Variants in LARGE1 observed in about 807,000 individuals in gnomAD.
The protein encoded by LARGE1 is xylosyl- and glucuronyltransferase LARGE1.
In LARGE1, 43 loss-of-function variants were observed where a neutral mutation model predicts 87.6. That is an observed-to-expected ratio of 0.49 (90% CI 0.38 to 0.63). The LOEUF (loss-of-function observed/expected upper bound fraction) is 0.63. LARGE1 is among the 30% of genes least tolerant of loss of function. LARGE1 has a pLI of 0.00. For synonymous variants in LARGE1, 434 were observed against 394.6 expected (o/e 1.10, Z -1.18); for missense variants, 802 against 1,000.2 (o/e 0.80, Z 2.67).
At chr22:33,613,315 TGGCACAAGCACATGAAAATACTG>T (rs2079493927) in intron 4 of LARGE1, among the ~76,000 whole-genome samples, 1 of 152,148 alleles carries the variant, frequency 6.6e-6, no homozygotes, top group African/African-American at 2.4e-5. Context: ...CACCAAACCA[TGGCACAAGCACATGAAAATACTG>T]CCCAGACCAC....
chr22:33,759,432 A>G (rs910030014), intron 2 of LARGE1, among the ~76,000 whole-genome samples: 16 of 152,294 alleles, frequency 1.1e-4, no homozygotes, highest in Admixed American at 6.5e-4. Context: ...CTCTGGGACC[A>G]TGGGCAGATC....
chr22:33,179,330 G>A (rs902016116), intron 11 of LARGE1, among the ~76,000 whole-genome samples: 1 of 152,146 alleles, frequency 6.6e-6, no homozygotes, highest in Non-Finnish European at 1.5e-5. Flanking sequence ...TGGAGCACTA[G>A]AAAAGCCCTT....
chr22:33,814,504 T>C (rs1024560823), intron 1 of LARGE1, among the ~76,000 whole-genome samples: 3 of 152,198 alleles, frequency 2.0e-5, no homozygotes, highest in African/African-American at 7.2e-5. Context: ...CAGTTGACTT[T>C]AAGTAAAAGA....
At position 33,217,509 on chromosome 22, in the gene LARGE1, A is replaced by G. The variant is rs1421648286; in HGVS notation, c.1731-50677T>C. ...CAGAAAGTCAGGTGCATGATAATAC[A>G]TTCATATGACACCATTATAGAAAAT... is the stretch of plus-strand genomic sequence containing the variant. On this transcript the variant is annotated intron_variant, in intron 11 of 11. Transcript: ENST00000608642. Among the ~76,000 whole-genome samples, 3 of 152,330 alleles carry G rather than the reference A, an allele frequency of 2.0e-5. No homozygotes were observed. The East Asian group carries it at 5.8e-4, about 29-fold the overall frequency.
intron 11 of LARGE1, among the ~76,000 whole-genome samples, chr22:33,265,039 T>A (rs1043609490): frequency 1.3e-5 from 2 of 151,888 alleles, no homozygotes; most frequent in African/African-American, 4.8e-5. Context: ...TAGCTGGGAT[T>A]ACAGGCATGT....
chr22:33,740,352 C>G (rs1013661707), intron 2 of LARGE1, among the ~76,000 whole-genome samples: 5 of 152,318 alleles, frequency 3.3e-5, no homozygotes, highest in African/African-American at 9.6e-5. Context: ...TCCTTCCCTG[C>G]AAAAGAAGAT....
chr22:33,647,102 T>C (rs1427872393), intron 3 of LARGE1, among the ~76,000 whole-genome samples: 1 of 152,246 alleles, frequency 6.6e-6, no homozygotes, highest in Admixed American at 6.5e-5. Flanking sequence ...AATATCTGTA[T>C]TCTCAGGGGC....
intron 2 of LARGE1, among the ~76,000 whole-genome samples, chr22:33,715,531 T>C (rs961066668): frequency 3.3e-5 from 5 of 152,208 alleles, no homozygotes; most frequent in Admixed American, 1.3e-4. Context: ...CATTCTTCCA[T>C]AGCCCCATCC....
At chr22:33,891,929 T>G (rs1244945123) in intron 1 of LARGE1, among the ~76,000 whole-genome samples, 1 of 152,208 alleles carries the variant, frequency 6.6e-6, no homozygotes, top group Non-Finnish European at 1.5e-5. Flanking sequence ...CCTAGTCTAA[T>G]AGTTCTTCTA....
At chr22:33,805,747 ATAAG>A (rs10571696) in intron 1 of LARGE1, among the ~76,000 whole-genome samples, 28,793 of 97,278 alleles carry the variant, frequency 0.3, 4,013 homozygotes, top group African/African-American at 0.46. Context: ...AAATAAATAA[ATAAG>A]TAAATAAATG....
At chr22:33,329,994 T>TAAAAAAACAGAAC (rs968210616) in intron 10 of LARGE1, among the ~76,000 whole-genome samples, 1 of 148,304 alleles carries the variant, frequency 6.7e-6, no homozygotes, top group African/African-American at 2.6e-5. Context: ...TATGTTTCAT[T>TAAAAAAACAGAAC]AAAAAAACAG....
At chr22:33,089,375 C>CT in the LARGE1 span, among the ~76,000 whole-genome samples, 6 of 138,590 alleles carry the variant, frequency 4.3e-5, no homozygotes, top group Non-Finnish European at 7.8e-5. Flanking sequence ...TCTTCTCCTT[C>CT]TTCTTCTTCT....
chr22:33,289,982 T>A (rs546271826), intron 12 of LARGE1, among the ~76,000 whole-genome samples: 1 of 152,040 alleles, frequency 6.6e-6, no homozygotes, highest in East Asian at 1.9e-4. Flanking sequence ...CTATGCCAAA[T>A]GAAGGGGTAG....
Position 33,711,889 on chromosome 22 carries a change from G to A in LARGE1, c.106+49482C>T, listed in dbSNP as rs1318849875. ...TTGCGTAGGTCACTCTTGAACTCCC[G>A]GCCTCAAGTAGTCCTCTTGCATCAG... On this transcript the variant is annotated intron_variant, in intron 2 of 14. Transcript: ENST00000397394. Among the ~76,000 whole-genome samples the A allele has an allele frequency of 6.6e-5, 10 of 152,002 alleles. No individual in the cohort carries two copies. In the East Asian group the frequency reaches 1.2e-3, roughly 18 times the overall value.
chr22:33,558,319 T>C (rs2077755234), intron 6 of LARGE1, among the ~76,000 whole-genome samples: 1 of 151,992 alleles, frequency 6.6e-6, no homozygotes, highest in South Asian at 2.1e-4. Flanking sequence ...CATTTGGAGA[T>C]AAGGGAAGGC....
intron 7 of LARGE1, among the ~76,000 whole-genome samples, chr22:33,419,527 A>G (rs2066618170): frequency 6.6e-6 from 1 of 151,986 alleles, no homozygotes; most frequent in Admixed American, 6.6e-5. Flanking sequence ...CCGCCTTTCC[A>G]TCCTTCAGGT....
chr22:33,676,523 A>G (rs2081583496), intron 2 of LARGE1, among the ~76,000 whole-genome samples: 2 of 151,716 alleles, frequency 1.3e-5, no homozygotes, highest in African/African-American at 2.4e-5. Flanking sequence ...AAACTATACA[A>G]TAAAATAAAA....
Position 33,274,283 on chromosome 22 carries a change from T to G in LARGE1, c.*144A>C. 1 of 822,680 alleles carries G rather than the reference T, an allele frequency of 1.2e-6. No homozygotes were observed. The highest frequency in any genetic ancestry group is 1.5e-5 in the South Asian group (1 of 68,680). 51.0% of individuals were successfully genotyped at this position (822,680 alleles called of 1,614,324 possible). A position where few individuals can be genotyped will look rare whatever the true frequency, so the allele number is the denominator to read the frequency against. ...GGATCCTTGTCCAAGGTCTCTGTAG[T>G]GAGGGCAGCTTGGCTGGGCCAAAGA... On this transcript the variant is annotated 3_prime_UTR_variant, in exon 15 of 15. Coordinates refer to ENST00000397394, the MANE Select transcript of LARGE1 (RefSeq NM_133642.5).
intron 7 of LARGE1, among the ~76,000 whole-genome samples, chr22:33,399,873 T>C (rs2065879805): frequency 6.6e-6 from 1 of 152,220 alleles, no homozygotes; most frequent in Non-Finnish European, 1.5e-5. Flanking sequence ...AAGCCACTGT[T>C]TGTGGTGCTT....
Sources: allele counts gnomAD v4.1 joint callset (sites outside exome capture counted in the v4.1 genomes callset), GRCh38; gene constraint gnomAD v4.1.1; transcripts MANE v1.5; gene names NCBI Gene and HGNC (gene_info 2026-07-23, HGNC 2026-07-21).